The following DCHS2 variants were observed in gnomAD, a reference collection of about 807,000 sequenced individuals.
DCHS2 encodes the protein dachsous cadherin-related 2.
Under a neutral mutation model 182.4 loss-of-function variants are expected in DCHS2, and 142 were observed. The ratio of observed to expected loss-of-function variants is 0.78; its 90% CI spans 0.68 to 0.89. The LOEUF is 0.89. DCHS2 is among the 40% of genes least tolerant of loss of function. The probability of loss-of-function intolerance (pLI) is 0.00; values close to 1 mark genes in which losing one functional copy is unlikely to be tolerated. For missense variants in DCHS2, 4,319 were observed against 4,198.6 expected (o/e 1.03, Z -0.79); for synonymous variants, 1,740 against 1,663.3 (o/e 1.05, Z -1.12).
chr4:154,378,245 A>G (rs577233313), intron 1 of DCHS2, among the ~76,000 whole-genome samples: 1 of 152,226 alleles, frequency 6.6e-6, no homozygotes, highest in Non-Finnish European at 1.5e-5. Context: ...CACTTAACTT[A>G]TTTATACTAA....
chr4:154,249,534 A>G (rs1732247863), intron 16 of DCHS2, among the ~76,000 whole-genome samples: 1 of 152,208 alleles, frequency 6.6e-6, no homozygotes, highest in South Asian at 2.1e-4. Context: ...AACTTACCAC[A>G]GAGTGCCATT....
At chr4:154,434,605 G>GT (rs966809826) in intron 1 of DCHS2, among the ~76,000 whole-genome samples, 8 of 151,786 alleles carry the variant, frequency 5.3e-5, no homozygotes, top group African/African-American at 1.5e-4. Flanking sequence ...GTACATGAGT[G>GT]TTTTTTTTAT....
rs565135082 is a variant in DCHS2 at position 154,377,166 on chromosome 4, T to C, written c.2244+87A>G. The stretch of plus-strand genomic sequence containing the variant: ...GACACATGAAACAGAATGACCCAAT[T>C]GTTGATCATCATTGGTCCTCTGTGA... On this transcript the variant is annotated intron_variant, in intron 2 of 19. Transcript: ENST00000357232. 3.5e-5 allele frequency: 45 copies of C among 1,303,614 alleles called. No homozygotes were observed. In the African/African-American group the frequency reaches 6.4e-4, roughly 18 times the overall value. The allele number at this position is 1,303,614 out of a possible 1,614,324, so 80.8% of individuals were successfully genotyped here.
At chr4:154,384,387 T>C in intron 1 of DCHS2, 1 of 1,613,340 alleles carries the variant, frequency 6.2e-7, no homozygotes, top group Non-Finnish European at 8.5e-7. Flanking sequence ...CTTCACTGGT[T>C]TTGCGTTCTC....
Position 154,297,837 on chromosome 4 carries a change from G to A in DCHS2, c.6463+14C>T, listed in dbSNP as rs749212118. ...AACAGGTACAATATATGAAAAACTT[G>A]AAGGGACACTCACCTGCCTCACAAT... On this transcript the variant is annotated intron_variant, in intron 13 of 19. Coordinates refer to ENST00000357232, the MANE Select transcript of DCHS2 (RefSeq NM_001358235.2). The A allele has an allele frequency of 1.9e-6, 3 of 1,594,114 alleles. No homozygotes were observed. The highest frequency in any genetic ancestry group is 2.6e-6 in the Non-Finnish European group (3 of 1,170,460).
chr4:154,432,358 C>T (rs1733594722), intron 1 of DCHS2, among the ~76,000 whole-genome samples: 1 of 152,102 alleles, frequency 6.6e-6, no homozygotes, highest in Non-Finnish European at 1.5e-5. Flanking sequence ...AAAATAAAAA[C>T]TCAGTGGTGT....
intron 1 of DCHS2, among the ~76,000 whole-genome samples, chr4:154,383,873 CA>C (rs1211958682): frequency 2.0e-5 from 3 of 151,780 alleles, no homozygotes; most frequent in Non-Finnish European, 2.9e-5. Context: ...AGCAATAAAA[CA>C]GGAGTTCTAG....
At chr4:154,401,127 C>G (rs1321780810) in intron 1 of DCHS2, among the ~76,000 whole-genome samples, 5 of 152,204 alleles carry the variant, frequency 3.3e-5, no homozygotes. Flanking sequence ...ATTAATTTTG[C>G]TCGTCCTTAA....
At chr4:154,372,325 T>C (rs1422244862) in intron 2 of DCHS2, among the ~76,000 whole-genome samples, 4 of 152,214 alleles carry the variant, frequency 2.6e-5, no homozygotes, top group Non-Finnish European at 4.4e-5. Context: ...TGAAAATGAA[T>C]GTGCCTTTTT....
intron 12 of DCHS2, among the ~76,000 whole-genome samples, chr4:154,299,042 A>G (rs547766626): frequency 9.2e-5 from 14 of 152,290 alleles, no homozygotes; most frequent in East Asian, 5.8e-4. Context: ...TTTTCCTCAT[A>G]AGAGGATGAA....
rs753117913 is a variant in DCHS2 at position 154,255,556 on chromosome 4, T to G, written c.6904A>C (p.Lys2302Gln). 3.7e-6 allele frequency: 6 copies of G among 1,613,856 alleles called. No homozygotes were observed. The South Asian group carries it at 6.6e-5, about 18-fold the overall frequency. Residue 2302 changes from lysine (K) to glutamine (Q), a missense_variant, in exon 16 of 20, where the codon AAA becomes CAA. Coordinates refer to ENST00000357232, the MANE Select transcript of DCHS2 (RefSeq NM_001358235.2). The stretch of plus-strand genomic sequence containing the variant: ...GTGAGCTCGTAATCTAGAATCGCTT[T>G]TGTTGTTATCACACCACTCAGTGCA... Reference protein sequence around the residue: ...IDALSGVITTKAILDYELTSS... With the variant: ...IDALSGVITTQAILDYELTSS...
chr4:154,414,729 A>G (rs1732765597), intron 1 of DCHS2, among the ~76,000 whole-genome samples: 1 of 152,158 alleles, frequency 6.6e-6, no homozygotes, highest in East Asian at 1.9e-4. Context: ...GCCTTTTCTT[A>G]CATGAATATG....
At chr4:154,351,767 G>T (rs1051229427) in intron 3 of DCHS2, among the ~76,000 whole-genome samples, 1 of 152,076 alleles carries the variant, frequency 6.6e-6, no homozygotes, top group South Asian at 2.1e-4. Flanking sequence ...TAGGGTTAGT[G>T]CTCCTATAAG....
intron 9 of DCHS2, among the ~76,000 whole-genome samples, chr4:154,320,027 C>T (rs572550413): frequency 2.0e-5 from 3 of 152,228 alleles, no homozygotes; most frequent in South Asian, 4.2e-4. Context: ...AGACATTCTA[C>T]AAGATGTGAC....
Position 154,333,014 on chromosome 4 carries a change from G to A in DCHS2, c.3194C>T (p.Ala1065Val). 2.5e-6 allele frequency: 4 copies of A among 1,614,160 alleles called. No homozygotes were observed. Among genetic ancestry groups the A allele is most frequent in the Non-Finnish European group, 3.4e-6 (4 of 1,180,002 alleles). ...GATAACGACTGTCAGCACCAGCAGG[G>A]CTGCCTGAGGATGCACGCCTTGGTC... ...AEDQGVHPQAALLVLTVVIEK... is the reference protein window; with the variant it reads ...AEDQGVHPQAVLLVLTVVIEK... The change falls in exon 5 of 20, where the codon GCC (alanine) becomes GTC (valine). Residue 1065 changes from alanine (A) to valine (V), a missense_variant. Transcript: ENST00000357232.
At chr4:154,367,672 G>T (rs1242201039) in intron 2 of DCHS2, among the ~76,000 whole-genome samples, 2 of 152,154 alleles carry the variant, frequency 1.3e-5, no homozygotes, top group Non-Finnish European at 2.9e-5. Context: ...TCCTTGGTAA[G>T]TCACAACAGC....
intron 1 of DCHS2, among the ~76,000 whole-genome samples, chr4:154,456,542 C>T (rs1289899464): frequency 5.3e-5 from 8 of 152,056 alleles, no homozygotes; most frequent in South Asian, 2.1e-4. Flanking sequence ...GAACGGTTCT[C>T]GGAAGTGAGA....
intron 1 of DCHS2, among the ~76,000 whole-genome samples, chr4:154,409,908 A>G (rs1284975076): frequency 6.6e-6 from 1 of 152,200 alleles, no homozygotes; most frequent in Non-Finnish European, 1.5e-5. Context: ...GTCATCACTG[A>G]CATTGATTGC....
At chr4:154,261,381 A>G (rs1732977969) in intron 14 of DCHS2, among the ~76,000 whole-genome samples, 1 of 152,216 alleles carries the variant, frequency 6.6e-6, no homozygotes. Flanking sequence ...CCTCATCATC[A>G]CATATGGATT....
Sources: allele counts gnomAD v4.1 joint callset (sites outside exome capture counted in the v4.1 genomes callset), GRCh38; gene constraint gnomAD v4.1.1; transcripts MANE v1.5; gene names NCBI Gene and HGNC (gene_info 2026-07-23, HGNC 2026-07-21).